SIL1: variants seen among roughly 807,000 people sequenced by gnomAD.
SIL1 encodes the protein SIL1 nucleotide exchange factor, also known as nucleotide exchange factor SIL1.
In SIL1, 40 loss-of-function variants were observed where a neutral mutation model predicts 49.1. That is an observed-to-expected ratio of 0.81 (90% CI 0.63 to 1.06). The LOEUF (loss-of-function observed/expected upper bound fraction) is 1.06. SIL1 is among the 50% of genes least tolerant of loss of function. The pLI, the probability that SIL1 is intolerant of heterozygous loss-of-function variation, is 0.00. For missense variants in SIL1, 500 were observed against 572.6 expected, an observed-to-expected ratio of 0.87 and a Z score of 1.29; for synonymous variants, 253 against 250.8, an observed-to-expected ratio of 1.01 and a Z score of -0.08.
intron 1 of SIL1, among the ~76,000 whole-genome samples, chr5:139,130,475 A>C (rs1750842591): frequency 6.6e-6 from 1 of 152,130 alleles, no homozygotes; most frequent in African/African-American, 2.4e-5. Context: ...TTTTAAGTAA[A>C]ATAACAAGTG....
At chr5:139,116,753 A>C (rs1770997949) in intron 3 of SIL1, among the ~76,000 whole-genome samples, 1 of 152,252 alleles carries the variant, frequency 6.6e-6, no homozygotes, top group Admixed American at 6.5e-5. Context: ...CTGGGACTAC[A>C]TTCGCACGCC....
chr5:139,187,374 G>A lies in SIL1; in HGVS notation c.-11+10895C>T, dbSNP rs1006452741. Among the ~76,000 whole-genome samples, 5 of 152,052 alleles carry A rather than the reference G, an allele frequency of 3.3e-5. No individual in the cohort carries two copies. The South Asian group carries it at 6.2e-4, about 19-fold the overall frequency. On this transcript the variant is annotated intron_variant, in intron 1 of 9. Coordinates refer to ENST00000394817, the MANE Select transcript of SIL1 (RefSeq NM_022464.5). The stretch of plus-strand genomic sequence containing the variant: ...TCTACTAAAATTACAAAAATTAGCC[G>A]GGTGTGGTGGCACATGCCTGTGGTC...
intron 3 of SIL1, among the ~76,000 whole-genome samples, chr5:139,060,379 A>G (rs970965497): frequency 3.9e-5 from 6 of 152,212 alleles, no homozygotes; most frequent in African/African-American, 1.4e-4. Context: ...CCCAATATAA[A>G]TAACAGTTTT....
intron 7 of SIL1, among the ~76,000 whole-genome samples, chr5:139,004,586 T>C (rs768381833): frequency 6.6e-6 from 1 of 152,226 alleles, no homozygotes; most frequent in African/African-American, 2.4e-5. Context: ...TTCCATTCTA[T>C]ACTCTAGTTT....
chr5:139,018,079 A>G (rs1333654006), intron 7 of SIL1, among the ~76,000 whole-genome samples: 3 of 152,224 alleles, frequency 2.0e-5, no homozygotes, highest in African/African-American at 7.2e-5. Flanking sequence ...TGACCCATAT[A>G]TAAGTGTGAA....
At chr5:139,020,346 ATCT>A (rs1381744473) in intron 7 of SIL1, among the ~76,000 whole-genome samples, 1 of 152,242 alleles carries the variant, frequency 6.6e-6, no homozygotes, top group Non-Finnish European at 1.5e-5. Flanking sequence ...CACAAAGGAA[ATCT>A]TCTCGAAACA....
intron 3 of SIL1, among the ~76,000 whole-genome samples, chr5:139,119,820 A>G (rs903920867): frequency 6.6e-6 from 1 of 152,200 alleles, no homozygotes; most frequent in Non-Finnish European, 1.5e-5. Flanking sequence ...TATAGTCCGT[A>G]TCTTCCACGC....
chr5:138,998,425 C>T (rs1032592906), intron 7 of SIL1, among the ~76,000 whole-genome samples: 2 of 152,174 alleles, frequency 1.3e-5, no homozygotes, highest in African/African-American at 2.4e-5. Flanking sequence ...GCATCAGCCT[C>T]CCAAAGTGCT....
chr5:139,144,535 G>C (rs1751154801), intron 1 of SIL1, among the ~76,000 whole-genome samples: 1 of 152,132 alleles, frequency 6.6e-6, no homozygotes, highest in Non-Finnish European at 1.5e-5. Context: ...TTTTACAAAA[G>C]TGTTATTGAG....
chr5:139,173,517 T>A (rs535837380), intron 1 of SIL1, among the ~76,000 whole-genome samples: 1 of 151,832 alleles, frequency 6.6e-6, no homozygotes, highest in Admixed American at 6.6e-5. Context: ...GCTACTGCAC[T>A]CCAGCCTGGG....
At chr5:139,105,693 G>A (rs964410291) in intron 3 of SIL1, among the ~76,000 whole-genome samples, 8 of 152,178 alleles carry the variant, frequency 5.3e-5, no homozygotes, top group East Asian at 1.9e-4. Context: ...TGTGAGCCGC[G>A]ACACTGGCAG....
chr5:138,951,348 A>G lies in SIL1; in HGVS notation c.865-13T>C. Reference sequence around the variant, plus strand: ...GTGCAAACAGGACCTGGGGGCACAGACCCAGGGGTAGGTGAGGGGCCAAGC... The same window carrying G: ...GTGCAAACAGGACCTGGGGGCACAGGCCCAGGGGTAGGTGAGGGGCCAAGC... On this transcript the variant is annotated splice_polypyrimidine_tract_variant and intron_variant, in intron 8 of 9. Transcript: ENST00000394817. 6.4e-7 allele frequency: 1 copy of G among 1,551,656 alleles called. No individual in the cohort carries two copies. The highest frequency in any genetic ancestry group is 8.7e-7 in the Non-Finnish European group (1 of 1,147,138).
intron 5 of SIL1, among the ~76,000 whole-genome samples, chr5:139,033,959 T>C (rs1768848241): frequency 6.6e-6 from 1 of 152,198 alleles, no homozygotes; most frequent in African/African-American, 2.4e-5. Flanking sequence ...TGTTTCTTTC[T>C]TTTAGTTCTG....
intron 7 of SIL1, among the ~76,000 whole-genome samples, chr5:139,015,936 G>C (rs867198669): frequency 9.2e-5 from 14 of 152,092 alleles, no homozygotes; most frequent in Non-Finnish European, 5.9e-5. Flanking sequence ...GATGAAAAAG[G>C]GGGAGGCCAG....
intron 1 of SIL1, among the ~76,000 whole-genome samples, chr5:139,183,663 G>T (rs1012047699): frequency 6.6e-6 from 1 of 152,192 alleles, no homozygotes; most frequent in Non-Finnish European, 1.5e-5. Flanking sequence ...AAAGCACAGG[G>T]AAGCGGATGA....
chr5:138,959,823 C>T (rs1307764270), intron 7 of SIL1, among the ~76,000 whole-genome samples: 2 of 152,236 alleles, frequency 1.3e-5, no homozygotes, highest in Non-Finnish European at 2.9e-5. Flanking sequence ...GGCCACTCTG[C>T]CCCTAATGCC....
At chr5:138,957,038 T>C (rs1420445654) in intron 7 of SIL1, among the ~76,000 whole-genome samples, 1 of 151,876 alleles carries the variant, frequency 6.6e-6, no homozygotes, top group Non-Finnish European at 1.5e-5. Context: ...CACCCACTCC[T>C]CACCACAGTA....
intron 1 of SIL1, among the ~76,000 whole-genome samples, chr5:139,179,246 T>C (rs1375083371): frequency 6.6e-6 from 1 of 151,926 alleles, no homozygotes; most frequent in African/African-American, 2.4e-5. Context: ...AAATGAGTAA[T>C]CCCCAGGGCA....
At position 139,026,881 on chromosome 5, in the gene SIL1, T is replaced by C. The variant is rs1462420461; in HGVS notation, c.565A>G (p.Ile189Val). 3.7e-6 allele frequency: 6 copies of C among 1,614,118 alleles called. No homozygotes were observed. The African/African-American group carries it at 5.3e-5, about 14-fold the overall frequency. Reference protein sequence around the residue: ...ETDMQIMVRLINKFNSSSSSL... With the variant: ...ETDMQIMVRLVNKFNSSSSSL... ...GAGCTGGAACTATTGAACTTGTTGA[T>C]CAGCCGTACCATGATCTGCATGTCA... Residue 189 changes from isoleucine to valine, a missense_variant, in exon 6 of 10, where the codon ATC becomes GTC. Coordinates refer to ENST00000394817, the MANE Select transcript of SIL1 (RefSeq NM_022464.5).
Sources: allele counts gnomAD v4.1 joint callset (sites outside exome capture counted in the v4.1 genomes callset), GRCh38; gene constraint gnomAD v4.1.1; transcripts MANE v1.5; gene names NCBI Gene and HGNC (gene_info 2026-07-23, HGNC 2026-07-21).